Variants in OAS3 observed in about 807,000 individuals in gnomAD.
OAS3 encodes the protein 2'-5'-oligoadenylate synthetase 3.
A neutral mutation model predicts 113.0 loss-of-function variants in OAS3; 107 were observed. That is an observed-to-expected ratio of 0.95 (90% CI 0.81 to 1.11). OAS3 has a LOEUF of 1.11. OAS3 is among the 50% of genes most tolerant of loss of function. OAS3 has a pLI of 0.00. For missense variants in OAS3, 1,258 were observed against 1,389.1 expected, an observed-to-expected ratio of 0.91 and a Z score of 1.50; for synonymous variants, 552 against 573.6, an observed-to-expected ratio of 0.96 and a Z score of 0.54.
rs1429034927 is a variant in OAS3, at chr12:112,963,422, A to G, written c.2194A>G (p.Arg732Gly). 1.2e-5 allele frequency: 19 copies of G among 1,551,462 alleles called. No individual in the cohort carries two copies. The highest frequency in any genetic ancestry group is 9.8e-5 in the Admixed American group (5 of 50,978). ...GGGGATGCAGGCCTGCTTTCTGAGT[A>G]GAGACGGGACATCTGTGCAGCCCTG... ...ALGMQACFLSRDGTSVQPWDV... is the reference protein window; with the variant it reads ...ALGMQACFLSGDGTSVQPWDV... The change falls in exon 10 of 16, where the codon AGA (arginine) becomes GGA (glycine). Residue 732 changes from arginine to glycine, a missense_variant. Physicochemically the swap from Arg to Gly is moderately radical, Grantham distance 125. Transcript: ENST00000228928. The surrounding 1 kb of genome is among the most constrained non-coding windows in gnomAD (Gnocchi z 4.6).
chr12:112,960,487 C>T (rs35383315), intron 7 of OAS3, among the ~76,000 whole-genome samples: 18,650 of 152,120 alleles, frequency 0.12, 1,260 homozygotes, highest in Middle Eastern at 0.19. Flanking sequence ...GTAGCTTCCT[C>T]TCTGTGTCTT....
chr12:112,952,044 T>C (rs2043798020), intron 7 of OAS3, among the ~76,000 whole-genome samples: 2 of 152,074 alleles, frequency 1.3e-5, no homozygotes, highest in South Asian at 4.1e-4. Flanking sequence ...GACTTCTATA[T>C]AGGTCCTTTA....
In OAS3 at chr12:112,963,589, C is replaced by G. The variant is rs1361768284; in HGVS notation, c.2229+132C>G. 2 of 870,548 alleles carry G rather than the reference C, an allele frequency of 2.3e-6. No homozygotes were observed. Among genetic ancestry groups the G allele is most frequent in the East Asian group, 6.3e-5 (2 of 31,730 alleles). The allele number at this position is 870,548 out of a possible 1,614,324, so 53.9% of individuals were successfully genotyped here. On this transcript the variant is annotated intron_variant, in intron 10 of 15. Transcript: ENST00000228928. The surrounding 1 kb of genome is among the most constrained non-coding windows in gnomAD (Gnocchi z 4.6). ...CTGACAACTCATAGCCACCCCTTCT[C>G]TGGAGACTTGCCTTTCATGAAATGC...
intron 12 of OAS3, among the ~76,000 whole-genome samples, chr12:112,966,237 A>G (rs1429692012): frequency 6.6e-6 from 1 of 152,228 alleles, no homozygotes; most frequent in Non-Finnish European, 1.5e-5. Context: ...TCTGTGGGCT[A>G]ACAGTGGCCT....
intron 12 of OAS3, among the ~76,000 whole-genome samples, chr12:112,966,936 A>G (rs938267914): frequency 6.6e-6 from 1 of 152,184 alleles, no homozygotes; most frequent in African/African-American, 2.4e-5. Context: ...AAGCCACTGC[A>G]CCCAGCCCAG....
rs1239056491 is a variant in OAS3 at position 112,938,681 on chromosome 12, G to A, written c.151G>A (p.Ala51Thr). The change falls in exon 1 of 16, where the codon GCC (alanine) becomes ACC (threonine). Residue 51 changes from alanine to threonine, a missense_variant. Transcript: ENST00000228928. ...GCGCGGGGGCCGCCTCGGTGCTGCT[G>A]CCCCGCGGGTGCTGAAAACTGTCAA... ...RERGGRLGAA[A>T]PRVLKTVKGG... The A allele has an allele frequency of 6.3e-7, 1 of 1,576,120 alleles. No individual in the cohort carries two copies.
Position 112,973,103 on chromosome 12 carries a change from A to G in OAS3, c.*3130A>G, listed in dbSNP as rs2043999793. 1 of 152,072 alleles carries G rather than the reference A, an allele frequency of 6.6e-6. No individual in the cohort carries two copies. The highest frequency in any genetic ancestry group is 1.5e-5 in the Non-Finnish European group (1 of 68,036). The allele number at this position is 152,072 out of a possible 1,614,324, so 9.4% of individuals were successfully genotyped here. ...TGCATTCATCATAATAATTCCAGAC[A>G]TTTTCATCACCCTAAAAGGAAACCC... On this transcript the variant is annotated 3_prime_UTR_variant, in exon 16 of 16. Coordinates refer to ENST00000228928, the MANE Select transcript of OAS3 (RefSeq NM_006187.4).
chr12:112,970,578 C>T lies in OAS3; in HGVS notation c.*605C>T, dbSNP rs1450917966. ...GATGCAGTAGAGGAAAGTGGTGGTA[C>T]AAGTGCCATGATTGATTAGCAATGT... On this transcript the variant is annotated 3_prime_UTR_variant, in exon 16 of 16. Coordinates refer to ENST00000228928, the MANE Select transcript of OAS3 (RefSeq NM_006187.4). The T allele has an allele frequency of 3.2e-5, 5 of 158,494 alleles. No individual in the cohort carries two copies. Among genetic ancestry groups the T allele is most frequent in the African/African-American group, 1.2e-4 (5 of 41,488 alleles). 9.8% of individuals were successfully genotyped at this position (158,494 alleles called of 1,614,324 possible). A position where few individuals can be genotyped will look rare whatever the true frequency, so the allele number is the denominator to read the frequency against.
intron 2 of OAS3, among the ~76,000 whole-genome samples, chr12:112,943,827 C>A (rs1304155093): frequency 6.6e-6 from 1 of 152,184 alleles, no homozygotes; most frequent in Non-Finnish European, 1.5e-5. Context: ...AATTCTCGTG[C>A]TTCGGCCTCT....
At chr12:112,951,004 A>G (rs753491661) in intron 7 of OAS3, 29 bp downstream of exon 7, 1 of 1,594,908 alleles carries the variant, frequency 6.3e-7, no homozygotes, top group South Asian at 1.1e-5. Context: ...TCCCTTGGAG[A>G]GTGATAGGGA....
chr12:112,964,747 C>T (rs1225090349), intron 11 of OAS3, among the ~76,000 whole-genome samples: 1 of 151,984 alleles, frequency 6.6e-6, no homozygotes, highest in East Asian at 1.9e-4. Context: ...CTCCAGTTCT[C>T]GGTTCTGCTT....
At position 112,963,036 on chromosome 12, in the gene OAS3, G is replaced by A. The variant is rs2043902871; in HGVS notation, c.2084+134G>A. The stretch of plus-strand genomic sequence containing the variant: ...CCACTCCTCACTCTGCTTCCCTCTG[G>A]ACTCTTTGCTGAGGAAGTGTGGACA... On this transcript the variant is annotated intron_variant, in intron 9 of 15. Coordinates refer to ENST00000228928, the MANE Select transcript of OAS3 (RefSeq NM_006187.4). This position sits in a 1 kb window ranked among gnomAD's most constrained non-coding sequence, Gnocchi z 4.6. 1.5e-6 allele frequency: 2 copies of A among 1,325,222 alleles called. No homozygotes were observed. Among genetic ancestry groups the A allele is most frequent in the Non-Finnish European group, 2.1e-6 (2 of 954,624 alleles). 82.1% of individuals were successfully genotyped at this position (1,325,222 alleles called of 1,614,324 possible). A position where few individuals can be genotyped will look rare whatever the true frequency, so the allele number is the denominator to read the frequency against.
intron 7 of OAS3, among the ~76,000 whole-genome samples, chr12:112,959,134 C>T (rs1185203676): frequency 6.6e-6 from 1 of 152,212 alleles, no homozygotes; most frequent in East Asian, 1.9e-4. Flanking sequence ...GGGCGTGTGA[C>T]CCTCCGTGCC....
intron 7 of OAS3, among the ~76,000 whole-genome samples, chr12:112,955,686 G>T (rs1046472402): frequency 3.3e-5 from 5 of 152,198 alleles, no homozygotes; most frequent in African/African-American, 1.2e-4. Flanking sequence ...GATCAGGGTG[G>T]ATAAGCTTTT....
chr12:112,945,713 T>C (rs1365791731), intron 3 of OAS3, among the ~76,000 whole-genome samples: 3 of 152,236 alleles, frequency 2.0e-5, no homozygotes, highest in Non-Finnish European at 4.4e-5. Flanking sequence ...CCTAGCCTTC[T>C]CTGGGCCTCT....
At chr12:112,962,595 C>T in intron 8 of OAS3, 57 bp from the exon 9 acceptor site, 1 of 1,585,748 alleles carries the variant, frequency 6.3e-7, no homozygotes. Context: ...GTGCTTATGG[C>T]CACACTCAGC....
At chr12:112,964,155 C>T in intron 10 of OAS3, 80 bp from the exon 11 acceptor site, 2 of 1,420,794 alleles carry the variant, frequency 1.4e-6, no homozygotes, top group Non-Finnish European at 9.6e-7. Flanking sequence ...GTCTTGTCCT[C>T]AGAGGACATC....
Position 112,946,847 on chromosome 12 carries a change from C to T in OAS3, c.741C>T (p.Ser247=), listed in dbSNP as rs776228357. The T allele has an allele frequency of 1.8e-4, 284 of 1,613,856 alleles. 1 individual carries two copies. Among genetic ancestry groups the T allele is most frequent in the Admixed American group, 1.1e-3 (66 of 60,006 alleles). Residue 247 remains serine (S), a synonymous_variant, in exon 4 of 16, where the codon AGC becomes AGT. Transcript: ENST00000228928. The part of the protein sequence containing the change: ...WEQGCKKDAF[S]LAEGLRTVLG... ...AGGGCTGTAAGAAGGATGCTTTCAGCCTAGCCGAAGGCCTCCGAACTGTCC... is the reference window on the plus strand; with the variant it reads ...AGGGCTGTAAGAAGGATGCTTTCAGTCTAGCCGAAGGCCTCCGAACTGTCC...
intron 7 of OAS3, among the ~76,000 whole-genome samples, chr12:112,956,542 G>T (rs1481122374): frequency 1.3e-5 from 2 of 152,168 alleles, no homozygotes; most frequent in African/African-American, 4.8e-5. Flanking sequence ...TTGTGTCTTT[G>T]TTCTCATTGG....
Sources: gnomAD v4.1 joint callset for allele counts (sites outside exome capture counted in the v4.1 genomes callset) on GRCh38, gnomAD v4.1.1 for gene constraint, Gnocchi (gnomAD v3.1) non-coding constraint, MANE v1.5 for transcripts, NCBI Gene and HGNC (gene_info 2026-07-23, HGNC 2026-07-21) for gene names.